Variants in PRKDC observed in about 807,000 individuals in gnomAD.
PRKDC encodes the protein protein kinase, DNA-activated, catalytic subunit, also known as DNA-dependent protein kinase catalytic subunit.
In PRKDC, 82 loss-of-function variants were observed where a neutral mutation model predicts 486.9. That is an observed-to-expected ratio of 0.17 (90% CI 0.14 to 0.20). The LOEUF is 0.20. Among genes scored for constraint, PRKDC ranks in the 10% least tolerant of loss-of-function variants. The pLI is 1.00. For synonymous variants in PRKDC, 1,895 were observed against 1,837.0 expected (o/e 1.03, Z -0.81); for missense variants, 4,504 against 5,038.2 (o/e 0.89, Z 3.21).
intron 69 of PRKDC, among the ~76,000 whole-genome samples, chr8:47,805,769 G>A (rs1056005457): frequency 4.6e-5 from 7 of 151,892 alleles, no homozygotes; most frequent in Non-Finnish European, 7.4e-5. Context: ...CATTTCAACC[G>A]CCCAGGCTAG....
chr8:47,825,637 T>TA (rs2087722913), intron 63 of PRKDC, among the ~76,000 whole-genome samples: 1 of 152,030 alleles, frequency 6.6e-6, no homozygotes, highest in East Asian at 1.9e-4. Flanking sequence ...TTTAGGCCCT[T>TA]AAAAGTTGTT....
At chr8:47,864,838 G>T in intron 40 of PRKDC, 75 bp from the exon 41 acceptor site, 2 of 1,271,216 alleles carry the variant, frequency 1.6e-6, no homozygotes, top group South Asian at 1.8e-5. Flanking sequence ...CTACATAACA[G>T]GCAAAGTAAA....
At chr8:47,777,955 A>G (rs1425997539) in intron 83 of PRKDC, 81 bp from the exon 84 acceptor site, 6 of 1,265,512 alleles carry the variant, frequency 4.7e-6, no homozygotes, top group Non-Finnish European at 6.7e-6. Flanking sequence ...GCATCCTCAC[A>G]TAGTTACTGT....
intron 40 of PRKDC, among the ~76,000 whole-genome samples, chr8:47,872,716 G>A (rs952178545): frequency 6.6e-6 from 1 of 152,010 alleles, no homozygotes; most frequent in Non-Finnish European, 1.5e-5. Context: ...AATGATTAAG[G>A]GGTCAATTCA....
chr8:47,886,259 G>A, intron 35 of PRKDC, 112 bp from the exon 36 acceptor site: 1 of 774,514 alleles, frequency 1.3e-6, no homozygotes, highest in Non-Finnish European at 1.9e-6. Flanking sequence ...GGTCTAAAAA[G>A]AGCCTGATAT....
rs1313169015 is a variant in PRKDC, at chr8:47,881,791, C to CA, written c.4962+120dup. 1.6e-5 allele frequency: 14 copies of CA among 896,534 alleles called. No individual in the cohort carries two copies. The East Asian group carries it at 3.9e-4, about 25-fold the overall frequency. The allele number at this position is 896,534 out of a possible 1,614,324, so 55.5% of individuals were successfully genotyped here. On this transcript the variant is annotated intron_variant, in intron 37 of 85. Coordinates refer to ENST00000314191, the MANE Select transcript of PRKDC (RefSeq NM_006904.7). ...AGGTAAATATAAGCAACCATCCTGTCAAAATATTTTCTTATTTGTCAAACC... is the reference window on the plus strand; with the variant it reads ...AGGTAAATATAAGCAACCATCCTGTCAAAAATATTTTCTTATTTGTCAAACC...
chr8:47,801,618 G>A (rs1462364353), intron 70 of PRKDC, among the ~76,000 whole-genome samples: 6 of 152,058 alleles, frequency 3.9e-5, no homozygotes, highest in Admixed American at 3.9e-4. Context: ...ATAGGAAATG[G>A]GTACTAATGT....
chr8:47,852,645 T>G (rs551446819), intron 52 of PRKDC, 28 bp downstream of exon 52: 5 of 1,348,124 alleles, frequency 3.7e-6, no homozygotes, highest in Non-Finnish European at 5.2e-6. Flanking sequence ...GTAAGAGGTA[T>G]TTATTGAAAA....
intron 25 of PRKDC, among the ~76,000 whole-genome samples, chr8:47,906,073 C>A (rs752428052): frequency 2.6e-5 from 4 of 152,136 alleles, no homozygotes; most frequent in Non-Finnish European, 5.9e-5. Context: ...GCTGGCCAGG[C>A]GCAGTGGTTC....
chr8:47,902,588 T>C lies in PRKDC; in HGVS notation c.3250A>G (p.Asn1084Asp). The C allele has an allele frequency of 6.3e-7, 1 of 1,589,156 alleles. No individual in the cohort carries two copies. The highest frequency in any genetic ancestry group is 8.5e-7 in the Non-Finnish European group (1 of 1,169,840). ...ACAAACCTGAATTCCCTGTAGATATTATTAAAGGCAAGTGATGCTCCCAGC... is the reference window on the plus strand; with the variant it reads ...ACAAACCTGAATTCCCTGTAGATATCATTAAAGGCAAGTGATGCTCCCAGC... Reference protein sequence around the residue: ...KRLGASLAFNNIYREFREEES... With the variant: ...KRLGASLAFNDIYREFREEES... Residue 1084 changes from asparagine to aspartate, a missense_variant, in exon 27 of 86, where the codon AAT (asparagine) becomes GAT (aspartate). Asn to Asp is a conservative substitution (Grantham distance 23, BLOSUM62 1). Coordinates refer to ENST00000314191, the MANE Select transcript of PRKDC (RefSeq NM_006904.7).
chr8:47,938,270 G>T (rs2090387446), intron 11 of PRKDC, among the ~76,000 whole-genome samples: 1 of 151,942 alleles, frequency 6.6e-6, no homozygotes, highest in Admixed American at 6.6e-5. Flanking sequence ...AAAATACCCA[G>T]GTGTGGTGGA....
chr8:47,910,197 A>G (rs2089871643), intron 25 of PRKDC, among the ~76,000 whole-genome samples: 1 of 152,044 alleles, frequency 6.6e-6, no homozygotes, highest in South Asian at 2.1e-4. Flanking sequence ...GGTTCCCCCA[A>G]TATTCCTCTT....
intron 34 of PRKDC, among the ~76,000 whole-genome samples, chr8:47,887,933 G>A (rs2089372266): frequency 6.6e-6 from 1 of 152,180 alleles, no homozygotes; most frequent in Admixed American, 6.5e-5. Flanking sequence ...GTGGCTCACT[G>A]CATTCTCAGG....
intron 60 of PRKDC, among the ~76,000 whole-genome samples, chr8:47,831,538 C>T (rs1589727497): frequency 1.3e-5 from 2 of 150,366 alleles, no homozygotes; most frequent in Non-Finnish European, 3.0e-5. Context: ...CCTGCCAGGG[C>T]GCGGGCCTTG....
chr8:47,792,984 C>G (rs780781548), intron 74 of PRKDC, among the ~76,000 whole-genome samples: 44 of 152,330 alleles, frequency 2.9e-4, no homozygotes, highest in African/African-American at 1.0e-3. Context: ...TGTACTCAAG[C>G]AATTCTCCCA....
intron 68 of PRKDC, among the ~76,000 whole-genome samples, chr8:47,808,813 A>C (rs1351536410): frequency 6.6e-6 from 1 of 152,108 alleles, no homozygotes; most frequent in Non-Finnish European, 1.5e-5. Flanking sequence ...AATTTCTTAG[A>C]AACAGTATGG....
At chr8:47,916,684 T>C (rs2089989635) in intron 22 of PRKDC, among the ~76,000 whole-genome samples, 1 of 152,168 alleles carries the variant, frequency 6.6e-6, no homozygotes, top group Admixed American at 6.5e-5. Context: ...AAGCAGTGGC[T>C]ACTTCAGCTC....
In PRKDC at chr8:47,948,757, C is replaced by A. The variant is rs376459405; in HGVS notation, c.722-4728G>T. Among the ~76,000 whole-genome samples the A allele has an allele frequency of 4.0e-3, 601 of 151,662 alleles. 4 individuals are homozygous for A. The highest frequency in any genetic ancestry group is 0.025 in the South Asian group (119 of 4,788). ...GATTACAGGCGTGAGCCACCGCGCCCGGCCCTGGGTGCCTTATATATATGT... is the reference window on the plus strand; with the variant it reads ...GATTACAGGCGTGAGCCACCGCGCCAGGCCCTGGGTGCCTTATATATATGT... On this transcript the variant is annotated intron_variant, in intron 7 of 85. Transcript: ENST00000314191.
intron 7 of PRKDC, among the ~76,000 whole-genome samples, chr8:47,945,064 AAT>A (rs370011478): frequency 4.9e-4 from 75 of 152,338 alleles, no homozygotes; most frequent in African/African-American, 1.7e-3. Context: ...TCAGATAGAA[AAT>A]AGTCATGTTA....
Sources: gnomAD v4.1 joint callset for allele counts (sites outside exome capture counted in the v4.1 genomes callset) on GRCh38, gnomAD v4.1.1 for gene constraint, MANE v1.5 for transcripts, NCBI Gene and HGNC (gene_info 2026-07-23, HGNC 2026-07-21) for gene names.